Variants in NCAN observed in about 807,000 individuals in gnomAD.
The protein encoded by NCAN is neurocan.
A neutral mutation model predicts 121.8 loss-of-function variants in NCAN; 47 were observed. That is an observed-to-expected ratio of 0.39 (90% CI 0.31 to 0.49). NCAN has a LOEUF of 0.49. NCAN is among the 20% of genes least tolerant of loss of function. NCAN has a pLI of 0.92. For synonymous variants in NCAN, 633 were observed against 702.0 expected, an observed-to-expected ratio of 0.90 and a Z score of 1.55; for missense variants, 1,517 against 1,773.4, an observed-to-expected ratio of 0.86 and a Z score of 2.60.
chr19:19,251,926 CTTGG>C lies in NCAN; in HGVS notation c.*2018_*2021del, dbSNP rs2060947741. Reference sequence around the variant, plus strand: ...GGGGATGCAGTGTTTTTTGGGGGGTCTTGGTTTATGCTCCCTGCCCTTGAGCCCC... The same window carrying C: ...GGGGATGCAGTGTTTTTTGGGGGGTCTTTATGCTCCCTGCCCTTGAGCCCC... On this transcript the variant is annotated 3_prime_UTR_variant, in exon 15 of 15. Coordinates refer to ENST00000252575, the MANE Select transcript of NCAN (RefSeq NM_004386.3). The C allele has an allele frequency of 6.6e-6, 1 of 152,050 alleles. No individual in the cohort carries two copies. The highest frequency in any genetic ancestry group is 2.4e-5 in the African/African-American group (1 of 41,344). 9.4% of individuals were successfully genotyped at this position (152,050 alleles called of 1,614,324 possible).
In NCAN at chr19:19,228,629, T is replaced by G. The variant is rs1212149599; in HGVS notation, c.3009T>G (p.Gly1003=). Residue 1003 remains glycine, a synonymous_variant, in exon 8 of 15, where the codon GGT becomes GGG. Coordinates refer to ENST00000252575, the MANE Select transcript of NCAN (RefSeq NM_004386.3). ...TGCCAGGGACCCCTATGAATGCAGG[T>G]GCGGAGGAGGGTGAGTACAAAGTCC... is the stretch of plus-strand genomic sequence containing the variant. ...PALPGTPMNA[G]AEEVHSDPCE... is the part of the protein sequence containing the mutation. The G allele has an allele frequency of 6.2e-7, 1 of 1,609,152 alleles. No homozygotes were observed. The highest frequency in any genetic ancestry group is 8.5e-7 in the Non-Finnish European group (1 of 1,177,672).
chr19:19,213,045 C>T (rs541014877), intron 1 of NCAN, among the ~76,000 whole-genome samples: 1 of 152,248 alleles, frequency 6.6e-6, no homozygotes, highest in South Asian at 2.1e-4. Context: ...CCCATCCCTA[C>T]GCGTGGGGCT....
intron 12 of NCAN, among the ~76,000 whole-genome samples, chr19:19,242,645 C>T (rs2060908036): frequency 6.6e-6 from 1 of 152,056 alleles, no homozygotes; most frequent in South Asian, 2.1e-4. Flanking sequence ...GCCGAGATCG[C>T]GTCACTGCAC....
Position 19,225,083 on chromosome 19 carries a change from G to C in NCAN, c.885G>C (p.Leu295=), listed in dbSNP as rs1185113001. ...TGGCCTCGGTGGGACAGCTGCACCT[G>C]GCCTGGCATGAGGGCCTGGACCAGT... ...AALASVGQLH[L]AWHEGLDQCD... is the part of the protein sequence containing the mutation. Residue 295 remains leucine, a synonymous_variant, in exon 6 of 15, where the codon CTG becomes CTC. Coordinates refer to ENST00000252575, the MANE Select transcript of NCAN (RefSeq NM_004386.3). This position sits in a 1 kb window ranked among gnomAD's most constrained non-coding sequence, Gnocchi z 4.0. 2.6e-6 allele frequency: 4 copies of C among 1,531,482 alleles called. No individual in the cohort carries two copies. In the South Asian group the frequency reaches 4.8e-5, roughly 18 times the overall value. The allele number at this position is 1,531,482 out of a possible 1,614,324, so 94.9% of individuals were successfully genotyped here. A position where few individuals can be genotyped will look rare whatever the true frequency, so the allele number is the denominator to read the frequency against.
At position 19,245,299 on chromosome 19, in the gene NCAN, C is replaced by T; in HGVS notation, c.3493-14C>T. The stretch of plus-strand genomic sequence containing the variant: ...GAGGTCCCCTGAACAACTCCCTGCC[C>T]CCTATTCCTGCAGCAATTTGAGAAC... On this transcript the variant is annotated splice_polypyrimidine_tract_variant and intron_variant, in intron 12 of 14. Coordinates refer to ENST00000252575, the MANE Select transcript of NCAN (RefSeq NM_004386.3). The T allele has an allele frequency of 6.2e-7, 1 of 1,613,620 alleles. No homozygotes were observed. Among genetic ancestry groups the T allele is most frequent in the Non-Finnish European group, 8.5e-7 (1 of 1,179,706 alleles).
At chr19:19,249,166 GTTCAAGCGATCC>G in intron 14 of NCAN, 1 of 358,966 alleles carries the variant, frequency 2.8e-6, no homozygotes, top group Non-Finnish European at 5.1e-6. Context: ...AACCTCCCGG[GTTCAAGCGATCC>G]TTGTGTCTCA....
In NCAN at chr19:19,216,886, C is replaced by T. The variant is rs546308138; in HGVS notation, c.-7-61C>T. ...AGTGGGGGAGTTTGGTCCTGCAATG[C>T]TGAATATCTGGGAGGGTTGGGCTGT... On this transcript the variant is annotated intron_variant, in intron 1 of 14. Coordinates refer to ENST00000252575, the MANE Select transcript of NCAN (RefSeq NM_004386.3). 20 of 1,030,236 alleles carry T rather than the reference C, an allele frequency of 1.9e-5. 1 individual carries two copies. The South Asian group carries it at 7.0e-4, about 36-fold the overall frequency. 63.8% of individuals were successfully genotyped at this position (1,030,236 alleles called of 1,614,324 possible). A position where few individuals can be genotyped will look rare whatever the true frequency, so the allele number is the denominator to read the frequency against.
chr19:19,238,467 G>A (rs2060890231), intron 11 of NCAN, 56 bp downstream of exon 11: 2 of 1,607,602 alleles, frequency 1.2e-6, no homozygotes, highest in African/African-American at 1.3e-5. Flanking sequence ...GGTGGCACTT[G>A]TAGCCCTTTT....
In NCAN at chr19:19,226,553, G is replaced by A; in HGVS notation, c.1140G>A (p.Leu380=). ...TPSSGDEGEI[L]SAEGPPVREL... is the part of the protein sequence containing the mutation. ...CCTCTGGGGATGAGGGGGAGATTCTGTCAGCAGAGGGGCCCCCAGTTAGAG... is the reference window on the plus strand; with the variant it reads ...CCTCTGGGGATGAGGGGGAGATTCTATCAGCAGAGGGGCCCCCAGTTAGAG... Residue 380 remains leucine (L), a synonymous_variant, in exon 7 of 15, where the codon CTG becomes CTA. Coordinates refer to ENST00000252575, the MANE Select transcript of NCAN (RefSeq NM_004386.3). 1 of 1,613,400 alleles carries A rather than the reference G, an allele frequency of 6.2e-7. No individual in the cohort carries two copies. Among genetic ancestry groups the A allele is most frequent in the Non-Finnish European group, 8.5e-7 (1 of 1,179,526 alleles).
Position 19,219,108 on chromosome 19 carries a change from G to A in NCAN, c.267G>A (p.Gln89=), listed in dbSNP as rs903339797. The change falls in exon 3 of 15, where the codon CAG becomes CAA. Residue 89 remains glutamine (Q), a synonymous_variant. Coordinates refer to ENST00000252575, the MANE Select transcript of NCAN (RefSeq NM_004386.3). ...TGCGGACTGCGTCGGGCCAGCGACA[G>A]GACTTGCCCATCCTGGTGGCCAAGG... The part of the protein sequence containing the change: ...TKVRTASGQR[Q]DLPILVAKDN... 8.1e-6 allele frequency: 13 copies of A among 1,613,248 alleles called. No individual in the cohort carries two copies. Among genetic ancestry groups the A allele is most frequent in the Non-Finnish European group, 1.1e-5 (13 of 1,179,482 alleles).
At chr19:19,240,405 T>G (rs900044784) in intron 11 of NCAN, among the ~76,000 whole-genome samples, 198 bp from the exon 12 acceptor site, 3 of 149,706 alleles carry the variant, frequency 2.0e-5, no homozygotes, top group Non-Finnish European at 3.0e-5. Flanking sequence ...GGGCTCTGGG[T>G]CCTCCTCCAT....
At chr19:19,233,577 C>A (rs1319527233) in intron 8 of NCAN, among the ~76,000 whole-genome samples, 2 of 152,136 alleles carry the variant, frequency 1.3e-5, no homozygotes, top group East Asian at 3.8e-4. Context: ...CAGGAAAGTC[C>A]CCAGATGCTT....
chr19:19,238,052 GA>G (rs1282987950), intron 10 of NCAN, among the ~76,000 whole-genome samples, 200 bp from the exon 11 acceptor site: 6 of 151,654 alleles, frequency 4.0e-5, no homozygotes, highest in Admixed American at 2.0e-4. Context: ...AAAAAAAAAA[GA>G]AAAAAAAGAA....
intron 10 of NCAN, among the ~76,000 whole-genome samples, chr19:19,237,299 G>A (rs1213639628): frequency 6.6e-6 from 1 of 152,018 alleles, no homozygotes; most frequent in Non-Finnish European, 1.5e-5. Flanking sequence ...AGACCATCCT[G>A]GCCAACATGG....
In NCAN at chr19:19,225,936, CT is replaced by C. The variant is rs1376546747; in HGVS notation, c.1073-544del. 6.6e-6 allele frequency among the ~76,000 whole-genome samples: 1 copy of C among 152,004 alleles called. No individual in the cohort carries two copies. Among genetic ancestry groups the C allele is most frequent in the Non-Finnish European group, 1.5e-5 (1 of 67,952 alleles). On this transcript the variant is annotated intron_variant, in intron 6 of 14. Coordinates refer to ENST00000252575, the MANE Select transcript of NCAN (RefSeq NM_004386.3). This position sits in a 1 kb window ranked among gnomAD's most constrained non-coding sequence, Gnocchi z 4.0. Reference sequence around the variant, plus strand: ...CCCATGAGCCAAATTGTCTTTTTTTCTTTTTTCTTTTGAGACAGAGTCTCAC... The same window carrying C: ...CCCATGAGCCAAATTGTCTTTTTTTCTTTTTCTTTTGAGACAGAGTCTCAC...
chr19:19,239,095 C>T (rs1338225933), intron 11 of NCAN, among the ~76,000 whole-genome samples: 1 of 152,110 alleles, frequency 6.6e-6, no homozygotes, highest in Non-Finnish European at 1.5e-5. Flanking sequence ...CGCGCCTTCT[C>T]ACCTATCTGC....
At chr19:19,247,293 G>A (rs1037757118) in intron 13 of NCAN, among the ~76,000 whole-genome samples, 2 of 151,966 alleles carry the variant, frequency 1.3e-5, no homozygotes, top group South Asian at 2.1e-4. Context: ...TTGCTCTGTC[G>A]CCCAGGCTGG....
chr19:19,218,747 C>T (rs2060804788), intron 2 of NCAN, among the ~76,000 whole-genome samples, 168 bp from the exon 3 acceptor site: 1 of 152,192 alleles, frequency 6.6e-6, no homozygotes, highest in South Asian at 2.1e-4. Context: ...GCTGGGGTTA[C>T]AGGCATGAGC....
At chr19:19,248,140 G>A (rs1216182423) in intron 13 of NCAN, among the ~76,000 whole-genome samples, 2 of 151,286 alleles carry the variant, frequency 1.3e-5, no homozygotes, top group Admixed American at 6.6e-5. Flanking sequence ...AAAGGAAGAC[G>A]CTCTTTTAAA....
Sources: allele counts gnomAD v4.1 joint callset (sites outside exome capture counted in the v4.1 genomes callset), GRCh38; gene constraint gnomAD v4.1.1; non-coding constraint Gnocchi (gnomAD v3.1); transcripts MANE v1.5; gene names NCBI Gene and HGNC (gene_info 2026-07-23, HGNC 2026-07-21).